Variants in CRIM1 observed in about 807,000 individuals in gnomAD.
CRIM1 encodes the protein cysteine-rich motor neuron 1 protein.
A neutral mutation model predicts 116.4 loss-of-function variants in CRIM1; 32 were observed. That is an observed-to-expected ratio of 0.27 (90% CI 0.21 to 0.37). The LOEUF is 0.37. Among genes scored for constraint, CRIM1 ranks in the 10% least tolerant of loss-of-function variants. The pLI, the probability that CRIM1 is intolerant of heterozygous loss-of-function variation, is 1.00. For synonymous variants in CRIM1, 590 were observed against 509.2 expected (o/e 1.16, Z -2.13); for missense variants, 1,331 against 1,354.8 (o/e 0.98, Z 0.28).
intron 1 of CRIM1, among the ~76,000 whole-genome samples, chr2:36,392,347 G>A (rs1671680325): frequency 1.3e-5 from 2 of 152,188 alleles, no homozygotes; most frequent in Non-Finnish European, 2.9e-5. Context: ...AGGTACCTCA[G>A]TTGTCTTCAC....
chr2:36,372,968 C>T (rs754679079), intron 1 of CRIM1, among the ~76,000 whole-genome samples: 1 of 151,946 alleles, frequency 6.6e-6, no homozygotes, highest in South Asian at 2.1e-4. Flanking sequence ...TCCTATAACT[C>T]GTTAAAAATA....
chr2:36,424,205 A>G (rs1674282996), intron 2 of CRIM1, among the ~76,000 whole-genome samples: 2 of 151,428 alleles, frequency 1.3e-5, no homozygotes, highest in Non-Finnish European at 3.0e-5. Flanking sequence ...CATTTTATAA[A>G]GTAGGTTGTG....
At chr2:36,368,409 G>C (rs993969811) in intron 1 of CRIM1, among the ~76,000 whole-genome samples, 2 of 152,226 alleles carry the variant, frequency 1.3e-5, no homozygotes, top group African/African-American at 2.4e-5. Flanking sequence ...AAGTTGTCCA[G>C]AAACTTCACC....
At chr2:36,480,363 A>G (rs759208196) in intron 7 of CRIM1, among the ~76,000 whole-genome samples, 12 of 152,316 alleles carry the variant, frequency 7.9e-5, no homozygotes, top group Admixed American at 2.0e-4. Context: ...GTCAGTCTTT[A>G]ATCTTGTGTC....
At chr2:36,474,248 G>T (rs548461265) in intron 5 of CRIM1, among the ~76,000 whole-genome samples, 1 of 152,120 alleles carries the variant, frequency 6.6e-6, no homozygotes, top group East Asian at 1.9e-4. Flanking sequence ...ATATATGATT[G>T]CAAATACTTT....
intron 8 of CRIM1, among the ~76,000 whole-genome samples, chr2:36,499,692 C>T (rs1382845125): frequency 6.6e-6 from 1 of 152,164 alleles, no homozygotes; most frequent in Non-Finnish European, 1.5e-5. Flanking sequence ...CATACAGTGT[C>T]ACATTCCGCA....
chr2:36,474,847 CAAAAAAA>C (rs56084308), intron 5 of CRIM1, among the ~76,000 whole-genome samples: 7 of 90,738 alleles, frequency 7.7e-5, no homozygotes, highest in Admixed American at 1.6e-4. Context: ...GACTCTATAT[CAAAAAAA>C]AAAAAAAAAA....
chr2:36,404,802 T>G (rs573952621), intron 2 of CRIM1, among the ~76,000 whole-genome samples: 5 of 152,346 alleles, frequency 3.3e-5, no homozygotes, highest in African/African-American at 1.2e-4. Context: ...TTTTCATTTT[T>G]AAAAGCGCAG....
chr2:36,501,538 G>A (rs1418475597), intron 8 of CRIM1, among the ~76,000 whole-genome samples: 1 of 151,904 alleles, frequency 6.6e-6, no homozygotes, highest in Non-Finnish European at 1.5e-5. Context: ...GGGCAACATG[G>A]CAAAACCCCA....
chr2:36,479,766 CT>C, intron 7 of CRIM1, 72 bp downstream of exon 7: 1 of 1,459,002 alleles, frequency 6.9e-7, no homozygotes, highest in Non-Finnish European at 9.6e-7. Context: ...AGCGTACGTT[CT>C]TGTTTGTTTA....
At position 36,550,212 on chromosome 2, in the gene CRIM1, T is replaced by A. The variant is rs1005266837; in HGVS notation, c.*1511T>A. The A allele has an allele frequency of 4.6e-5, 7 of 151,886 alleles. No individual in the cohort carries two copies. The highest frequency in any genetic ancestry group is 1.7e-4 in the African/African-American group (7 of 41,202). 9.4% of individuals were successfully genotyped at this position (151,886 alleles called of 1,614,324 possible). A position where few individuals can be genotyped will look rare whatever the true frequency, so the allele number is the denominator to read the frequency against. On this transcript the variant is annotated 3_prime_UTR_variant, in exon 17 of 17. Coordinates refer to ENST00000280527, the MANE Select transcript of CRIM1 (RefSeq NM_016441.3). ...AGAGACATTGATGGCAGTTCTTATC[T>A]GCATCACTAATCAGCTCCTGGATTT...
intron 6 of CRIM1, among the ~76,000 whole-genome samples, chr2:36,477,433 A>G (rs905726978): frequency 6.6e-6 from 1 of 152,192 alleles, no homozygotes; most frequent in Non-Finnish European, 1.5e-5. Context: ...TCCTCACCTC[A>G]GATTGCTCAG....
chr2:36,412,255 C>G (rs1673266900), intron 2 of CRIM1, among the ~76,000 whole-genome samples: 2 of 147,588 alleles, frequency 1.4e-5, no homozygotes. Context: ...TGTTAACTTG[C>G]AGTTTCAGTT....
chr2:36,522,363 T>G, intron 13 of CRIM1, 50 bp downstream of exon 13: 1 of 1,391,496 alleles, frequency 7.2e-7, no homozygotes, highest in Non-Finnish European at 1.0e-6. Flanking sequence ...TGTCACTAAA[T>G]CTGTATTGAC....
At chr2:36,469,344 T>C (rs762033403) in intron 5 of CRIM1, among the ~76,000 whole-genome samples, 5 of 152,214 alleles carry the variant, frequency 3.3e-5, no homozygotes, top group Admixed American at 6.5e-5. Context: ...TTTGAAATAC[T>C]TCTGTTTTGG....
intron 14 of CRIM1, 29 bp from the exon 15 acceptor site, chr2:36,544,347 C>T: frequency 1.5e-6 from 2 of 1,322,818 alleles, no homozygotes; most frequent in Non-Finnish European, 1.9e-6. Flanking sequence ...GCTTCATCAT[C>T]TCTTAGGAAA....
intron 1 of CRIM1, chr2:36,378,686 C>T (rs1031341525): frequency 2.8e-5 from 5 of 176,392 alleles, no homozygotes; most frequent in Non-Finnish European, 4.9e-5. Context: ...GATTGTTCCT[C>T]GTGTGGCAAC....
intron 2 of CRIM1, among the ~76,000 whole-genome samples, chr2:36,428,562 C>T (rs539361598): frequency 1.3e-5 from 2 of 152,268 alleles, no homozygotes; most frequent in South Asian, 2.1e-4. Flanking sequence ...GATGACAAAG[C>T]GTTTTCTGTA....
At chr2:36,398,455 G>A (rs763711984) in intron 2 of CRIM1, among the ~76,000 whole-genome samples, 4 of 152,158 alleles carry the variant, frequency 2.6e-5, no homozygotes, top group Non-Finnish European at 5.9e-5. Flanking sequence ...TTAGTTAGGC[G>A]TGTATTTATG....
Sources: gnomAD v4.1 joint callset for allele counts (sites outside exome capture counted in the v4.1 genomes callset) on GRCh38, gnomAD v4.1.1 for gene constraint, MANE v1.5 for transcripts, NCBI Gene and HGNC (gene_info 2026-07-23, HGNC 2026-07-21) for gene names.